The following ARID1B variants were observed in gnomAD, a reference collection of about 807,000 sequenced individuals.
ARID1B encodes AT-rich interactive domain-containing protein 1B.
ARID1B carries 30 observed loss-of-function variants against 212.3 expected under a neutral mutation model. That is an observed-to-expected ratio of 0.14 (90% CI 0.11 to 0.19). The LOEUF (loss-of-function observed/expected upper bound fraction) is 0.19, where lower values mean the gene tolerates loss of function less well. Among genes scored for constraint, ARID1B ranks in the 10% least tolerant of loss-of-function variants. The probability of loss-of-function intolerance (pLI) is 1.00; values close to 1 mark genes in which losing one functional copy is unlikely to be tolerated. For missense variants in ARID1B, 2,891 were observed against 3,204.0 expected, an observed-to-expected ratio of 0.90 and a Z score of 2.36; for synonymous variants, 1,402 against 1,301.7, an observed-to-expected ratio of 1.08 and a Z score of -1.66.
chr6:156,813,090 ATACATACATATATATATATTT>A (rs1781711823), intron 1 of ARID1B, among the ~76,000 whole-genome samples: 1 of 104,610 alleles, frequency 9.6e-6, no homozygotes, highest in African/African-American at 4.0e-5. Context: ...ACGTATGTAT[ATACATACATATATATATATTT>A]TTTTTTTTTT....
At chr6:156,893,346 C>G (rs1408581340) in intron 2 of ARID1B, among the ~76,000 whole-genome samples, 2 of 152,138 alleles carry the variant, frequency 1.3e-5, no homozygotes, top group African/African-American at 4.8e-5. Context: ...TAAAAGAAAA[C>G]AGAGGAAAAG....
chr6:156,966,606 G>A (rs1021551006), intron 4 of ARID1B, among the ~76,000 whole-genome samples: 1 of 151,940 alleles, frequency 6.6e-6, no homozygotes, highest in Non-Finnish European at 1.5e-5. Flanking sequence ...TGTTGGCCAC[G>A]CTGGTCTGGA....
intron 4 of ARID1B, among the ~76,000 whole-genome samples, chr6:157,015,314 A>T (rs1196800191): frequency 6.6e-6 from 1 of 152,250 alleles, no homozygotes; most frequent in Non-Finnish European, 1.5e-5. Context: ...GAAGTTAGTT[A>T]GGGATCAGCA....
chr6:156,945,798 A>C (rs1033038793), intron 4 of ARID1B, among the ~76,000 whole-genome samples: 9 of 152,196 alleles, frequency 5.9e-5, no homozygotes, highest in Middle Eastern at 3.2e-3. Context: ...TCTTGAGCCT[A>C]GGAGCTTGAG....
At chr6:157,085,280 G>A (rs1160764264) in intron 5 of ARID1B, among the ~76,000 whole-genome samples, 6 of 152,160 alleles carry the variant, frequency 3.9e-5, no homozygotes, top group South Asian at 2.1e-4. Flanking sequence ...TTTTTTTGTG[G>A]TTCTATTCAA....
rs1177807875 is a variant in ARID1B at position 157,004,897 on chromosome 6, C to CT, written c.2247+69355dup. ...TTTTTTCTTTTTCTTCTTCTTTTTTCTTTTTTTTTTTTTTTTTTTTTTTTT... is the reference window on the plus strand; with the variant it reads ...TTTTTTCTTTTTCTTCTTCTTTTTTCTTTTTTTTTTTTTTTTTTTTTTTTTT... On this transcript the variant is annotated intron_variant, in intron 4 of 19. Coordinates refer to ENST00000636930, the MANE Select transcript of ARID1B (RefSeq NM_001374828.1). Among the ~76,000 whole-genome samples the CT allele has an allele frequency of 4.2e-3, 230 of 54,616 alleles. 49 individuals are homozygous for CT. Among genetic ancestry groups the CT allele is most frequent in the Non-Finnish European group, 6.1e-3 (165 of 27,234 alleles). 35.8% of individuals were successfully genotyped at this position (54,616 alleles called of 152,430 possible).
chr6:156,796,181 A>G (rs1308233919), intron 1 of ARID1B, among the ~76,000 whole-genome samples: 2 of 152,038 alleles, frequency 1.3e-5, no homozygotes, highest in African/African-American at 2.4e-5. Flanking sequence ...CTTGTTTCCT[A>G]TTTCATAATA....
chr6:157,004,906 T>TTTTTG (rs1562542326), intron 4 of ARID1B, among the ~76,000 whole-genome samples: 1 of 108,674 alleles, frequency 9.2e-6, no homozygotes, highest in Non-Finnish European at 1.8e-5. Context: ...TCTTTTTTTT[T>TTTTTG]TTTTTTTTTT....
intron 4 of ARID1B, among the ~76,000 whole-genome samples, chr6:156,954,817 A>AT (rs1299874743): frequency 6.6e-6 from 1 of 152,112 alleles, no homozygotes; most frequent in Non-Finnish European, 1.5e-5. Flanking sequence ...TACTTTAACT[A>AT]TTTCCCCCAC....
At chr6:156,911,300 C>G (rs1288864369) in intron 3 of ARID1B, among the ~76,000 whole-genome samples, 1 of 145,996 alleles carries the variant, frequency 6.8e-6, no homozygotes, top group East Asian at 2.0e-4. Context: ...TTCTTCCTTG[C>G]AAAATGGAGT....
Position 156,901,380 on chromosome 6 carries a change from C to T in ARID1B, c.1991C>T (p.Pro664Leu). The change falls in exon 3 of 20, where the codon CCA becomes CTA. Residue 664 changes from proline to leucine, a missense_variant. Physicochemically the swap from Pro to Leu is moderately conservative, Grantham distance 98 (BLOSUM62 -3). Transcript: ENST00000636930. ...AGMQYPQQQM[P>L]PQYGQQGVSG... Reference sequence around the variant, plus strand: ...CTTTGCTTGACTTTTTGACAGATGCCACCTCAGTATGGACAGCAAGGTGTG... The same window carrying T: ...CTTTGCTTGACTTTTTGACAGATGCTACCTCAGTATGGACAGCAAGGTGTG... 1.9e-6 allele frequency: 3 copies of T among 1,614,118 alleles called. No individual in the cohort carries two copies. The highest frequency in any genetic ancestry group is 2.5e-6 in the Non-Finnish European group (3 of 1,180,034).
chr6:156,785,919 C>G (rs1779600179), intron 1 of ARID1B, among the ~76,000 whole-genome samples: 1 of 152,186 alleles, frequency 6.6e-6, no homozygotes, highest in African/African-American at 2.4e-5. Flanking sequence ...GTTTGAGGAT[C>G]TCTTTGGAGA....
intron 3 of ARID1B, among the ~76,000 whole-genome samples, chr6:156,927,920 C>T (rs1409350111): frequency 4.6e-5 from 7 of 152,176 alleles, no homozygotes; most frequent in African/African-American, 1.7e-4. Context: ...TAATATATGG[C>T]ATTCTAAGTT....
chr6:157,137,500 A>G (rs1020986253), intron 7 of ARID1B, among the ~76,000 whole-genome samples: 2 of 152,216 alleles, frequency 1.3e-5, no homozygotes, highest in African/African-American at 4.8e-5. Context: ...AATCAATTTC[A>G]TGTCCATAGC....
At chr6:156,864,587 G>T (rs1785551224) in intron 2 of ARID1B, among the ~76,000 whole-genome samples, 1 of 152,200 alleles carries the variant, frequency 6.6e-6, no homozygotes, top group African/African-American at 2.4e-5. Context: ...GCCCGCCTTA[G>T]CCCATGCCCA....
intron 4 of ARID1B, among the ~76,000 whole-genome samples, chr6:157,013,507 T>G (rs561554348): frequency 6.6e-6 from 1 of 152,326 alleles, no homozygotes; most frequent in East Asian, 1.9e-4. Flanking sequence ...CTGCTTCATC[T>G]CTACTTCCTT....
chr6:156,915,166 A>G (rs1790245600), intron 3 of ARID1B, among the ~76,000 whole-genome samples: 1 of 152,196 alleles, frequency 6.6e-6, no homozygotes, highest in Admixed American at 6.5e-5. Context: ...GGAATTGCAG[A>G]TAGTGCTTTG....
At position 156,778,851 on chromosome 6, in the gene ARID1B, G is replaced by A. The variant is rs2114987777; in HGVS notation, c.1171G>A (p.Gly391Ser). 1 of 1,392,244 alleles carries A rather than the reference G, an allele frequency of 7.2e-7. No individual in the cohort carries two copies. The allele number at this position is 1,392,244 out of a possible 1,614,324, so 86.2% of individuals were successfully genotyped here. A position where few individuals can be genotyped will look rare whatever the true frequency, so the allele number is the denominator to read the frequency against. ...GGGCTACAGCCGGCCCGGCGCGGGC[G>A]GCGGCGGCGGCGGCGGCGGCGGAGG... is the stretch of plus-strand genomic sequence containing the variant. ...YPGYSRPGAG[G>S]GGGGGGGGGG... is the part of the protein sequence containing the mutation. The change falls in exon 1 of 20, where the codon GGC (glycine) becomes AGC (serine). Residue 391 changes from glycine (G) to serine (S), a missense_variant. Gly to Ser is a moderately conservative substitution (Grantham distance 56). Coordinates refer to ENST00000636930, the MANE Select transcript of ARID1B (RefSeq NM_001374828.1).
chr6:157,192,800 G>A (rs916296759), intron 15 of ARID1B, among the ~76,000 whole-genome samples: 7 of 152,198 alleles, frequency 4.6e-5, no homozygotes, highest in African/African-American at 1.4e-4. Flanking sequence ...AAAATCCACG[G>A]GAAACACATT....
Sources: gnomAD v4.1 joint callset for allele counts (sites outside exome capture counted in the v4.1 genomes callset) on GRCh38, gnomAD v4.1.1 for gene constraint, MANE v1.5 for transcripts, NCBI Gene and HGNC (gene_info 2026-07-23, HGNC 2026-07-21) for gene names.